The following FBXO25 variants were observed in gnomAD, a reference collection of about 807,000 sequenced individuals.
FBXO25 encodes F-box protein 25, also known as F-box only protein 25.
In FBXO25, 45 loss-of-function variants were observed where a neutral mutation model predicts 51.9. That is an observed-to-expected ratio of 0.87 (90% CI 0.68 to 1.11). FBXO25 has a LOEUF of 1.11. FBXO25 is among the 50% of genes most tolerant of loss of function. The pLI is 0.00. For missense variants in FBXO25, 507 were observed against 428.5 expected (o/e 1.18, Z -1.62); for synonymous variants, 199 against 151.0 (o/e 1.32, Z -2.33).
intron 8 of FBXO25, among the ~76,000 whole-genome samples, chr8:461,305 C>T (rs1248216616): frequency 6.6e-6 from 1 of 152,090 alleles, no homozygotes; most frequent in Admixed American, 6.5e-5. Context: ...AAGACATACC[C>T]GAGACTGGGT....
At chr8:415,722 A>G (rs1796755517) in intron 2 of FBXO25, among the ~76,000 whole-genome samples, 1 of 152,198 alleles carries the variant, frequency 6.6e-6, no homozygotes, top group Non-Finnish European at 1.5e-5. Context: ...AAATGGTGTA[A>G]GTAAATAATC....
intron 1 of FBXO25, among the ~76,000 whole-genome samples, chr8:407,781 GTC>G (rs1196130703): frequency 6.6e-6 from 1 of 151,940 alleles, no homozygotes; most frequent in Non-Finnish European, 1.5e-5. Flanking sequence ...CTCTGTCTCT[GTC>G]TCCTCCCTTA....
At chr8:442,487 T>C (rs530533816) in intron 5 of FBXO25, among the ~76,000 whole-genome samples, 1 of 152,278 alleles carries the variant, frequency 6.6e-6, no homozygotes, top group South Asian at 2.1e-4. Context: ...TTTGTATTTT[T>C]CTGAGACAGA....
chr8:425,705 C>A (rs1159578066), intron 2 of FBXO25, among the ~76,000 whole-genome samples: 1 of 151,562 alleles, frequency 6.6e-6, no homozygotes, highest in African/African-American at 2.4e-5. Flanking sequence ...TATATTTTCC[C>A]AGCCTTTTAT....
intron 3 of FBXO25, among the ~76,000 whole-genome samples, chr8:431,793 C>T (rs1008350509): frequency 6.6e-6 from 1 of 152,202 alleles, no homozygotes; most frequent in Non-Finnish European, 1.5e-5. Flanking sequence ...AGGAGACAGA[C>T]ATTCAGAGCT....
Position 471,850 on chromosome 8 carries a change from G to A in FBXO25, c.*3046G>A, listed in dbSNP as rs1483957415. On this transcript the variant is annotated 3_prime_UTR_variant, in exon 10 of 10. Coordinates refer to ENST00000350302, the MANE Select transcript of FBXO25 (RefSeq NM_183420.2). ...TGCACTGTGTGTGCGTACTGTACAG[G>A]GCTGTACACAGCAAACTGTGTCTAC... 1 of 152,142 alleles carries A rather than the reference G, an allele frequency of 6.6e-6. No homozygotes were observed. The highest frequency in any genetic ancestry group is 1.5e-5 in the Non-Finnish European group (1 of 68,034). 9.4% of individuals were successfully genotyped at this position (152,142 alleles called of 1,614,324 possible).
At chr8:429,741 T>G (rs1477859106) in intron 2 of FBXO25, among the ~76,000 whole-genome samples, 1 of 152,208 alleles carries the variant, frequency 6.6e-6, no homozygotes, top group Non-Finnish European at 1.5e-5. Flanking sequence ...GGTCCTCAAG[T>G]CTGACATAGA....
At chr8:411,705 C>A (rs1796491514) in intron 1 of FBXO25, among the ~76,000 whole-genome samples, 1 of 152,074 alleles carries the variant, frequency 6.6e-6, no homozygotes, top group South Asian at 2.1e-4. Context: ...TTCAGACAGC[C>A]CTTACAACTA....
Position 474,966 on chromosome 8 carries a change from T to G in FBXO25, c.*6162T>G, listed in dbSNP as rs546850177. The G allele has an allele frequency of 2.4e-6, 1 of 408,440 alleles. No homozygotes were observed. The highest frequency in any genetic ancestry group is 4.7e-6 in the Non-Finnish European group (1 of 210,672). The allele number at this position is 408,440 out of a possible 1,614,324, so 25.3% of individuals were successfully genotyped here. A position where few individuals can be genotyped will look rare whatever the true frequency, so the allele number is the denominator to read the frequency against. ...TTGCCTTTCACTCTGTTTTGTTCTT[T>G]GATGTACAGAAGTTGTTTCTTTCTT... On this transcript the variant is annotated 3_prime_UTR_variant, in exon 10 of 10. Coordinates refer to ENST00000350302, the MANE Select transcript of FBXO25 (RefSeq NM_183420.2).
At chr8:416,958 C>A (rs541814906) in intron 2 of FBXO25, among the ~76,000 whole-genome samples, 13 of 152,232 alleles carry the variant, frequency 8.5e-5, no homozygotes, top group Non-Finnish European at 2.9e-5. Context: ...TAGAGAGTGG[C>A]CTCTAAGAAG....
chr8:474,037 C>T lies in FBXO25; in HGVS notation c.*5233C>T, dbSNP rs1029106999. The T allele has an allele frequency of 6.6e-6, 1 of 152,280 alleles. No homozygotes were observed. The highest frequency in any genetic ancestry group is 1.9e-4 in the East Asian group (1 of 5,190). 9.4% of individuals were successfully genotyped at this position (152,280 alleles called of 1,614,324 possible). A position where few individuals can be genotyped will look rare whatever the true frequency, so the allele number is the denominator to read the frequency against. The stretch of plus-strand genomic sequence containing the variant: ...TGCAACCTTCTCTACCACGTATCCA[C>T]AAGTTCAACTTTACAAGATGAACTT... On this transcript the variant is annotated 3_prime_UTR_variant, in exon 10 of 10. Transcript: ENST00000350302.
chr8:422,063 A>T (rs2117514497), intron 2 of FBXO25, among the ~76,000 whole-genome samples: 1 of 152,356 alleles, frequency 6.6e-6, no homozygotes. Flanking sequence ...TCACCATGAT[A>T]ATTGTTATAA....
chr8:454,565 T>A (rs1453468180), intron 7 of FBXO25, among the ~76,000 whole-genome samples: 1 of 152,120 alleles, frequency 6.6e-6, no homozygotes, highest in African/African-American at 2.4e-5. Context: ...TGACATTACA[T>A]TGGTTCACAA....
At chr8:414,967 T>G (rs1045702101) in intron 2 of FBXO25, among the ~76,000 whole-genome samples, 2 of 152,210 alleles carry the variant, frequency 1.3e-5, no homozygotes, top group Non-Finnish European at 2.9e-5. Context: ...AGGCTGTTGG[T>G]GACCTGAAAC....
chr8:434,572 G>A (rs575483165), intron 4 of FBXO25, among the ~76,000 whole-genome samples: 3 of 152,246 alleles, frequency 2.0e-5, no homozygotes, highest in Non-Finnish European at 2.9e-5. Context: ...TGAGTGTATC[G>A]GCTGTCAGAG....
In FBXO25 at chr8:418,627, A is replaced by C. The variant is rs77143616; in HGVS notation, c.134+5414A>C. Reference sequence around the variant, plus strand: ...AGTGCTGGGATTACATGCGTGAGCCACCGTTCCCGGCTTGTTTCTTTATTA... The same window carrying C: ...AGTGCTGGGATTACATGCGTGAGCCCCCGTTCCCGGCTTGTTTCTTTATTA... On this transcript the variant is annotated intron_variant, in intron 2 of 9. Transcript: ENST00000350302. Among the ~76,000 whole-genome samples, 662 of 152,232 alleles carry C rather than the reference A, an allele frequency of 4.3e-3. 2 individuals are homozygous for C. Among genetic ancestry groups the C allele is most frequent in the African/African-American group, 0.015 (635 of 41,542 alleles).
intron 5 of FBXO25, among the ~76,000 whole-genome samples, chr8:449,744 A>G (rs1798961789): frequency 6.6e-6 from 1 of 152,198 alleles, no homozygotes; most frequent in African/African-American, 2.4e-5. Flanking sequence ...TCCACTAACT[A>G]AATGAATAGC....
At position 451,459 on chromosome 8, in the gene FBXO25, A is replaced by T; in HGVS notation, c.660+6A>T. On this transcript the variant is annotated splice_donor_region_variant and intron_variant, in intron 7 of 9. Coordinates refer to ENST00000350302, the MANE Select transcript of FBXO25 (RefSeq NM_183420.2). ...AGGATCTTCAGATGACTAAGGTATAAATATCTCGGCATAAGAGTTATTACA... is the reference window on the plus strand; with the variant it reads ...AGGATCTTCAGATGACTAAGGTATATATATCTCGGCATAAGAGTTATTACA... 1 of 1,612,268 alleles carries T rather than the reference A, an allele frequency of 6.2e-7. No individual in the cohort carries two copies. The highest frequency in any genetic ancestry group is 8.5e-7 in the Non-Finnish European group (1 of 1,179,348).
At chr8:438,887 C>T (rs1034445380) in intron 5 of FBXO25, among the ~76,000 whole-genome samples, 13 of 152,202 alleles carry the variant, frequency 8.5e-5, no homozygotes, top group African/African-American at 2.7e-4. Context: ...TTAGGTGTGC[C>T]AGTGGCCACG....
Sources: allele counts gnomAD v4.1 joint callset (sites outside exome capture counted in the v4.1 genomes callset), GRCh38; gene constraint gnomAD v4.1.1; transcripts MANE v1.5; gene names NCBI Gene and HGNC (gene_info 2026-07-23, HGNC 2026-07-21).